Variants in GRIA3 observed in about 807,000 individuals in gnomAD.
GRIA3 encodes glutamate ionotropic receptor AMPA type subunit 3.
GRIA3 carries 3 observed loss-of-function variants against 63.0 expected under a neutral mutation model. That is an observed-to-expected ratio of 0.05 (90% CI 0.02 to 0.12). GRIA3 has a LOEUF of 0.12. GRIA3 is among the 10% of genes least tolerant of loss of function. The probability of loss-of-function intolerance (pLI) is 1.00; values close to 1 mark genes in which losing one functional copy is unlikely to be tolerated. For synonymous variants in GRIA3, 274 were observed against 257.9 expected (o/e 1.06, Z -0.60); for missense variants, 347 against 700.9 (o/e 0.50, Z 5.70).
intron 12 of GRIA3, among the ~76,000 whole-genome samples, chrX:123,451,366 T>A (rs934754751): frequency 5.4e-4 from 58 of 106,840 alleles, no homozygotes; most frequent in African/African-American, 1.9e-3. Context: ...ATTAGCTGGA[T>A]GAGGTGGCAC....
At chrX:123,242,261 G>C (rs1370626062) in intron 2 of GRIA3, among the ~76,000 whole-genome samples, 1 of 111,543 alleles carries the variant, frequency 9.0e-6, no homozygotes, top group Non-Finnish European at 1.9e-5. Context: ...TTTTGTTTGG[G>C]GACCCATCTC....
intron 12 of GRIA3, among the ~76,000 whole-genome samples, chrX:123,463,803 AAG>A (rs763238320): frequency 9.2e-6 from 1 of 108,910 alleles, no homozygotes; most frequent in Non-Finnish European, 1.9e-5. Flanking sequence ...AGAAAGAAGA[AAG>A]AGAGAGAAAG....
rs1269872067 is a variant in GRIA3, at chrX:123,463,745, AAG to A, written c.2077-1118_2077-1117del. Among the ~76,000 whole-genome samples the A allele has an allele frequency of 2.8e-3, 294 of 103,986 alleles. 24 individuals are homozygous for A. Among genetic ancestry groups the A allele is most frequent in the African/African-American group, 0.011 (286 of 25,047 alleles). 90.3% of individuals were successfully genotyped at this position (103,986 alleles called of 115,157 possible). A position where few individuals can be genotyped will look rare whatever the true frequency, so the allele number is the denominator to read the frequency against. ...GAAAGAGAAAGAAGAGAGAGAAAGA[AAG>A]AAAAAGAGAGAAAGAAAGAAGAGAA... is the stretch of plus-strand genomic sequence containing the variant. On this transcript the variant is annotated intron_variant, in intron 12 of 15. Transcript: ENST00000620443.
At position 123,489,232 on chromosome X, in the gene GRIA3, AG is replaced by A. The variant is rs1289139818; in HGVS notation, c.*524del. The A allele has an allele frequency of 2.7e-5, 3 of 112,462 alleles. No homozygotes were observed. Among genetic ancestry groups the A allele is most frequent in the Non-Finnish European group, 5.6e-5 (3 of 53,275 alleles). 9.3% of individuals were successfully genotyped at this position (112,462 alleles called of 1,213,427 possible). A position where few individuals can be genotyped will look rare whatever the true frequency, so the allele number is the denominator to read the frequency against. On this transcript the variant is annotated 3_prime_UTR_variant, in exon 16 of 16. Transcript: ENST00000620443. ...GGGAAGACGGACTGGCATTTCTTCT[AG>A]GATCTGCTGACCAGATGTTTTTGGT... is the stretch of plus-strand genomic sequence containing the variant.
intron 5 of GRIA3, among the ~76,000 whole-genome samples, chrX:123,390,849 C>G (rs745325559): frequency 9.0e-6 from 1 of 110,887 alleles, no homozygotes; most frequent in East Asian, 2.8e-4. Flanking sequence ...TCATTTTTGT[C>G]TGACTGGGTT....
chrX:123,339,119 A>C (rs933901272), intron 4 of GRIA3, among the ~76,000 whole-genome samples: 4 of 112,231 alleles, frequency 3.6e-5, no homozygotes, highest in Non-Finnish European at 7.5e-5. Context: ...AATCCAACAT[A>C]TCTAACAGAG....
intron 2 of GRIA3, among the ~76,000 whole-genome samples, chrX:123,213,087 G>A (rs1928078185): frequency 8.9e-6 from 1 of 111,803 alleles, no homozygotes; most frequent in Admixed American, 9.5e-5. Context: ...TCTAGGTTGT[G>A]TGCTCCTTAT....
At chrX:123,410,021 T>C (rs1308549684) in intron 10 of GRIA3, among the ~76,000 whole-genome samples, 1 of 111,925 alleles carries the variant, frequency 8.9e-6, no homozygotes, top group Non-Finnish European at 1.9e-5. Flanking sequence ...GGGCTTACAA[T>C]CTAGTTGGAT....
chrX:123,471,118 A>G (rs2045860339), intron 13 of GRIA3, among the ~76,000 whole-genome samples: 1 of 111,196 alleles, frequency 9.0e-6, no homozygotes, highest in Non-Finnish European at 1.9e-5. Flanking sequence ...GAAGAACCTG[A>G]CAGTTTTCTT....
chrX:123,479,860 G>A (rs1312491878), intron 13 of GRIA3, among the ~76,000 whole-genome samples: 1 of 111,981 alleles, frequency 8.9e-6, no homozygotes. Flanking sequence ...TACTCAAAGC[G>A]ATATGGGCAG....
intron 2 of GRIA3, among the ~76,000 whole-genome samples, chrX:123,226,072 T>C (rs1435952697): frequency 1.8e-5 from 2 of 111,478 alleles, no homozygotes; most frequent in African/African-American, 6.5e-5. Context: ...ACACTTATAG[T>C]CTTTTTCCTT....
At chrX:123,347,711 A>C (rs1307867450) in intron 4 of GRIA3, among the ~76,000 whole-genome samples, 1 of 112,422 alleles carries the variant, frequency 8.9e-6, no homozygotes, top group Non-Finnish European at 1.9e-5. Context: ...AATGGAACTA[A>C]TAAGTAAATG....
In GRIA3 at chrX:123,194,131, C is replaced by T. The variant is rs1341894720; in HGVS notation, c.268+8141C>T. On this transcript the variant is annotated intron_variant, in intron 2 of 15. Transcript: ENST00000620443. ...GATGGTAGTGGGCCTGCTGCCTGTTCTGTGTGTGGTGTTTGCTGCAATAGG... is the reference window on the plus strand; with the variant it reads ...GATGGTAGTGGGCCTGCTGCCTGTTTTGTGTGTGGTGTTTGCTGCAATAGG... 4.5e-5 allele frequency among the ~76,000 whole-genome samples: 5 copies of T among 111,026 alleles called. No homozygotes were observed. In the East Asian group the frequency reaches 1.1e-3, roughly 25 times the overall value.
chrX:123,316,369 G>T (rs902809406), intron 3 of GRIA3, among the ~76,000 whole-genome samples: 1 of 111,886 alleles, frequency 8.9e-6, no homozygotes, highest in Non-Finnish European at 1.9e-5. Flanking sequence ...CTACCAAATG[G>T]GCAAATATAT....
chrX:123,337,032 A>T (rs2044978591), intron 4 of GRIA3, among the ~76,000 whole-genome samples: 1 of 112,260 alleles, frequency 8.9e-6, no homozygotes, highest in African/African-American at 3.2e-5. Flanking sequence ...AAAGGCATTT[A>T]AAAGCTCTTT....
intron 2 of GRIA3, among the ~76,000 whole-genome samples, chrX:123,228,741 A>T (rs2044261457): frequency 9.0e-6 from 1 of 111,183 alleles, no homozygotes; most frequent in Admixed American, 9.6e-5. Context: ...AGGCAAGGAC[A>T]CATAAAACAT....
chrX:123,460,828 C>A (rs1603169129), intron 12 of GRIA3, among the ~76,000 whole-genome samples: 1 of 111,375 alleles, frequency 9.0e-6, no homozygotes, highest in South Asian at 3.8e-4. Context: ...CAATGTATTT[C>A]ATTACAATGC....
intron 7 of GRIA3, among the ~76,000 whole-genome samples, chrX:123,400,316 A>T (rs1213027561): frequency 9.0e-6 from 1 of 111,476 alleles, no homozygotes; most frequent in African/African-American, 3.3e-5. Flanking sequence ...CTTCCTCCCC[A>T]GGCCCTAATG....
At chrX:123,375,251 T>C (rs1468317365) in intron 5 of GRIA3, among the ~76,000 whole-genome samples, 2 of 112,488 alleles carry the variant, frequency 1.8e-5, no homozygotes, top group Non-Finnish European at 3.8e-5. Flanking sequence ...TTAATTTGTA[T>C]ATGTTGAACC....
Sources: allele counts gnomAD v4.1 joint callset (sites outside exome capture counted in the v4.1 genomes callset), GRCh38; gene constraint gnomAD v4.1.1; transcripts MANE v1.5; gene names NCBI Gene and HGNC (gene_info 2026-07-23, HGNC 2026-07-21).